The following UBR3 variants were observed in gnomAD, a reference collection of about 807,000 sequenced individuals.
The protein encoded by UBR3 is E3 ubiquitin-protein ligase UBR3.
A neutral mutation model predicts 243.2 loss-of-function variants in UBR3; 85 were observed. That is an observed-to-expected ratio of 0.35 (90% CI 0.29 to 0.42). UBR3 has a LOEUF of 0.42. Among genes scored for constraint, UBR3 ranks in the 10% least tolerant of loss-of-function variants. UBR3 has a pLI of 1.00. For synonymous variants in UBR3, 748 were observed against 799.8 expected, an observed-to-expected ratio of 0.94 and a Z score of 1.09; for missense variants, 1,686 against 2,300.8, an observed-to-expected ratio of 0.73 and a Z score of 5.47.
chr2:169,837,177 T>C (rs1350018941), intron 1 of UBR3, among the ~76,000 whole-genome samples: 1 of 152,178 alleles, frequency 6.6e-6, no homozygotes, highest in Non-Finnish European at 1.5e-5. Context: ...GTTTTCGCAC[T>C]GCTATAAAGA....
intron 1 of UBR3, among the ~76,000 whole-genome samples, chr2:169,836,106 C>G (rs111938531): frequency 1.1e-5 from 1 of 91,626 alleles, no homozygotes; most frequent in African/African-American, 3.8e-5. Context: ...GATGGAAACT[C>G]GCTCTGTCCC....
At chr2:169,864,135 G>C (rs561291513) in intron 1 of UBR3, among the ~76,000 whole-genome samples, 26 of 151,792 alleles carry the variant, frequency 1.7e-4, no homozygotes, top group Non-Finnish European at 3.8e-4. Context: ...AACCTTCTGC[G>C]TACAGGTTCA....
At chr2:170,069,616 G>A (rs540817020) in intron 35 of UBR3, among the ~76,000 whole-genome samples, 33 of 151,890 alleles carry the variant, frequency 2.2e-4, no homozygotes, top group African/African-American at 6.8e-4. Flanking sequence ...GGCAACCACC[G>A]TTCTACTCTG....
intron 10 of UBR3, 21 bp from the exon 11 acceptor site, chr2:169,914,037 TTA>T: frequency 8.7e-7 from 1 of 1,152,782 alleles, no homozygotes; most frequent in Non-Finnish European, 1.2e-6. Context: ...CATAAATTTA[TTA>T]TATATAACTT....
At chr2:170,010,191 C>T (rs73019520) in intron 29 of UBR3, among the ~76,000 whole-genome samples, 6,516 of 152,132 alleles carry the variant, frequency 0.043, 153 homozygotes, top group Middle Eastern at 0.061. Context: ...TTACTAGTTA[C>T]TACATTCTTG....
chr2:169,849,005 T>A (rs1359715735), intron 1 of UBR3, among the ~76,000 whole-genome samples: 1 of 152,032 alleles, frequency 6.6e-6, no homozygotes, highest in Non-Finnish European at 1.5e-5. Flanking sequence ...ATAAGCAAAT[T>A]GCAATGGGGA....
chr2:169,937,397 C>G (rs2086381673), intron 19 of UBR3, among the ~76,000 whole-genome samples: 1 of 152,130 alleles, frequency 6.6e-6, no homozygotes, highest in Non-Finnish European at 1.5e-5. Flanking sequence ...TTTGTAGATT[C>G]TGGATATTAG....
chr2:169,973,175 A>G (rs2105377704), intron 24 of UBR3, among the ~76,000 whole-genome samples: 1 of 115,332 alleles, frequency 8.7e-6, no homozygotes, highest in Admixed American at 1.0e-4. Context: ...ATTGCTTCCA[A>G]GAGAATAAAA....
intron 24 of UBR3, among the ~76,000 whole-genome samples, chr2:169,971,452 G>A (rs2088139600): frequency 6.7e-6 from 1 of 150,104 alleles, no homozygotes; most frequent in Non-Finnish European, 1.5e-5. Context: ...GGTTTTTATG[G>A]TTTTAGGTCT....
At position 169,950,037 on chromosome 2, in the gene UBR3, GAGA is replaced by G. The variant is rs757265102; in HGVS notation, c.3522_3524del (p.Lys1175del). 4.4e-6 allele frequency: 7 copies of G among 1,574,228 alleles called. No individual in the cohort carries two copies. The highest frequency in any genetic ancestry group is 6.0e-6 in the Non-Finnish European group (7 of 1,164,332). On this transcript the variant is annotated inframe_deletion, in exon 23 of 39. Coordinates refer to ENST00000272793, the MANE Select transcript of UBR3 (RefSeq NM_172070.4). ...ACCACCTAAAAAAGTCACTGCAGCA[GAGA>G]AGAAAACATTGGACAAAGAAGAAAG...
intron 24 of UBR3, among the ~76,000 whole-genome samples, chr2:169,975,753 C>A (rs908632154): frequency 5.3e-5 from 8 of 151,942 alleles, no homozygotes; most frequent in Admixed American, 3.3e-4. Context: ...TTCAAGACTG[C>A]AGTATGCTAT....
rs185358861 is a variant in UBR3 at position 170,052,032 on chromosome 2, T to C, written c.4661-3428T>C. 1.5e-3 allele frequency among the ~76,000 whole-genome samples: 231 copies of C among 152,284 alleles called. 1 individual carries two copies. The highest frequency in any genetic ancestry group is 2.6e-3 in the Admixed American group (40 of 15,290). ...TTTAGACTACAACTCCCCAGTGAGTTCCAGACTTGAATTTTTAGACATGCC... is the reference window on the plus strand; with the variant it reads ...TTTAGACTACAACTCCCCAGTGAGTCCCAGACTTGAATTTTTAGACATGCC... On this transcript the variant is annotated intron_variant, in intron 32 of 38. Coordinates refer to ENST00000272793, the MANE Select transcript of UBR3 (RefSeq NM_172070.4).
chr2:169,986,526 C>A, intron 24 of UBR3, 119 bp from the exon 25 acceptor site: 1 of 861,316 alleles, frequency 1.2e-6, no homozygotes, highest in Non-Finnish European at 1.7e-6. Flanking sequence ...AGTTTTATTA[C>A]TGTATACTTT....
At chr2:169,964,741 A>T in intron 24 of UBR3, 8 of 392,696 alleles carry the variant, frequency 2.0e-5, no homozygotes, top group South Asian at 1.5e-4. Context: ...CAGCTCAGTT[A>T]TAGTCAAGAT....
intron 5 of UBR3, among the ~76,000 whole-genome samples, chr2:169,890,547 A>ATGTGTG (rs2084303904): frequency 4.3e-5 from 1 of 23,102 alleles, no homozygotes; most frequent in Admixed American, 7.3e-4. Context: ...AGAGATATAT[A>ATGTGTG]TATATATATA....
At chr2:169,829,422 G>GTTTT (rs35860819) in intron 1 of UBR3, among the ~76,000 whole-genome samples, 7 of 133,760 alleles carry the variant, frequency 5.2e-5, no homozygotes, top group East Asian at 2.2e-4. Flanking sequence ...TAACATTTGA[G>GTTTT]TTTTTTTTTT....
intron 24 of UBR3, among the ~76,000 whole-genome samples, chr2:169,963,746 A>T (rs2087684089): frequency 6.6e-6 from 1 of 152,212 alleles, no homozygotes. Context: ...TTTTCTAAGT[A>T]CATATGCATA....
At position 169,986,744 on chromosome 2, in the gene UBR3, C is replaced by A; in HGVS notation, c.3734C>A (p.Ser1245Tyr). 6.2e-7 allele frequency: 1 copy of A among 1,614,090 alleles called. No homozygotes were observed. Among genetic ancestry groups the A allele is most frequent in the Non-Finnish European group, 8.5e-7 (1 of 1,179,984 alleles). ...DCVICGQSGP[S>Y]SEDRPTGLVV... Reference sequence around the variant, plus strand: ...GTTATTTGTGGACAGAGTGGCCCCTCCTCTGAAGATCGACCTACTGGATTA... The same window carrying A: ...GTTATTTGTGGACAGAGTGGCCCCTACTCTGAAGATCGACCTACTGGATTA... The change falls in exon 25 of 39, where the codon TCC (serine) becomes TAC (tyrosine). Residue 1245 changes from serine (S) to tyrosine (Y), a missense_variant. Ser to Tyr is a moderately radical substitution (Grantham distance 144). Coordinates refer to ENST00000272793, the MANE Select transcript of UBR3 (RefSeq NM_172070.4).
intron 5 of UBR3, among the ~76,000 whole-genome samples, chr2:169,879,038 A>C (rs2105314897): frequency 6.6e-6 from 1 of 152,066 alleles, no homozygotes; most frequent in East Asian, 1.9e-4. Flanking sequence ...TTTTTTTTAA[A>C]ACTATGTACT....
Sources: allele counts gnomAD v4.1 joint callset (sites outside exome capture counted in the v4.1 genomes callset), GRCh38; gene constraint gnomAD v4.1.1; transcripts MANE v1.5; gene names NCBI Gene and HGNC (gene_info 2026-07-23, HGNC 2026-07-21).